The following TTC34 variants were observed in gnomAD, a reference collection of about 807,000 sequenced individuals.
TTC34 encodes the protein tetratricopeptide repeat domain 34.
Under a neutral mutation model 40.7 loss-of-function variants are expected in TTC34, and 44 were observed. The ratio of observed to expected loss-of-function variants is 1.08; its 90% CI spans 0.85 to 1.39. The LOEUF is 1.39. Among genes scored for constraint, TTC34 ranks in the 40% most tolerant of loss-of-function variants. The pLI is 0.00. For missense variants in TTC34, 884 were observed against 838.0 expected, an observed-to-expected ratio of 1.05 and a Z score of -0.68; for synonymous variants, 422 against 398.6, an observed-to-expected ratio of 1.06 and a Z score of -0.70.
intron 6 of TTC34, among the ~76,000 whole-genome samples, chr1:2,751,772 C>T (rs1641328580): frequency 6.9e-6 from 1 of 144,906 alleles, no homozygotes; most frequent in South Asian, 2.3e-4. Context: ...CCCACACCCA[C>T]AGGTGAGCAT....
chr1:2,773,220 C>A (rs1180150474), intron 6 of TTC34, among the ~76,000 whole-genome samples: 24 of 135,656 alleles, frequency 1.8e-4, no homozygotes, highest in Admixed American at 8.0e-4. Flanking sequence ...GCCCACACCC[C>A]CGGGCGAGCA....
intron 6 of TTC34, among the ~76,000 whole-genome samples, chr1:2,693,982 G>C (rs61765751): frequency 7.8e-3 from 194 of 24,836 alleles, no homozygotes; most frequent in Admixed American, 8.7e-3. Context: ...GGAACAGCAC[G>C]CACACACCCA....
At chr1:2,641,417 A>G (rs1171242045) in exon 9 of TTC34, 2 of 1,532,186 alleles carry the variant, frequency 1.3e-6, no homozygotes, top group African/African-American at 1.4e-5. Context: ...TCTGGCCTTC[A>G]GTCTCTTCAG....
intron 6 of TTC34, among the ~76,000 whole-genome samples, chr1:2,687,729 C>A (rs1227296483): frequency 6.6e-6 from 1 of 151,526 alleles, no homozygotes; most frequent in Admixed American, 6.6e-5. Flanking sequence ...ACCCACACCC[C>A]CAGGTGAACA....
intron 6 of TTC34, among the ~76,000 whole-genome samples, chr1:2,681,953 C>A (rs1387568866): frequency 2.0e-5 from 2 of 102,002 alleles, no homozygotes; most frequent in Non-Finnish European, 4.1e-5. Flanking sequence ...CACCCCAAGG[C>A]GAGCATCTGA....
In TTC34 at chr1:2,778,617, C is replaced by T. The variant is rs184603943; in HGVS notation, c.2226+4992G>A. Among the ~76,000 whole-genome samples, 41 of 152,350 alleles carry T rather than the reference C, an allele frequency of 2.7e-4. No homozygotes were observed. The East Asian group carries it at 7.9e-3, about 29-fold the overall frequency. On this transcript the variant is annotated intron_variant, in intron 6 of 8. Coordinates refer to ENST00000401095, the Ensembl canonical transcript of TTC34. ...TGCATTCACCCGAGGTTGATGGGAG[C>T]TCTGTGGGGGGAGACAGGCAGGGGA...
At chr1:2,691,237 T>A (rs61765710) in intron 6 of TTC34, among the ~76,000 whole-genome samples, 1 of 63,964 alleles carries the variant, frequency 1.6e-5, no homozygotes, top group African/African-American at 5.0e-5. Flanking sequence ...GGTGAGCATC[T>A]GACAGCCTGC....
chr1:2,643,514 C>T (rs1638955064), intron 8 of TTC34, among the ~76,000 whole-genome samples: 1 of 152,188 alleles, frequency 6.6e-6, no homozygotes, highest in African/African-American at 2.4e-5. Context: ...CCTGCTCCCA[C>T]CTCGAAGACC....
chr1:2,684,747 G>C (rs1410811596), intron 6 of TTC34, among the ~76,000 whole-genome samples: 10 of 115,674 alleles, frequency 8.6e-5, no homozygotes, highest in Non-Finnish European at 1.5e-4. Flanking sequence ...GCCTGGAACA[G>C]CACCAAAAAC....
intron 6 of TTC34, among the ~76,000 whole-genome samples, chr1:2,697,873 GCAGCACCCACACCAACAGGTGAGCAT>G (rs1640942617): frequency 7.9e-6 from 1 of 126,776 alleles, no homozygotes; most frequent in East Asian, 2.5e-4. Flanking sequence ...ACAGCCTGAA[GCAGCACCCACACCAACAGGTGAGCAT>G]CTGACAACCT....
At chr1:2,790,169 G>A (rs1287894328) in exon 3 of TTC34, 2 of 398,286 alleles carry the variant, frequency 5.0e-6, no homozygotes, top group Non-Finnish European at 8.9e-6. Context: ...GGCCTCCTGC[G>A]CCTGAGCCCG....
chr1:2,783,104 C>A (rs4648499), intron 6 of TTC34, among the ~76,000 whole-genome samples: 28,367 of 152,164 alleles, frequency 0.19, 2,910 homozygotes, highest in South Asian at 0.26. Flanking sequence ...TGCATAGATA[C>A]CGAACTTAAA....
At chr1:2,764,299 C>T (rs1240647642) in intron 6 of TTC34, among the ~76,000 whole-genome samples, 4 of 146,374 alleles carry the variant, frequency 2.7e-5, no homozygotes, top group Non-Finnish European at 1.5e-5. Flanking sequence ...GCAGCACACA[C>T]AACCCCAGGC....
In TTC34 at chr1:2,645,587, G is replaced by GGGGC; in HGVS notation, c.2227-25_2227-24insGCCC. On this transcript the variant is annotated intron_variant, in intron 6 of 8. Coordinates refer to ENST00000401095, the Ensembl canonical transcript of TTC34. The surrounding 1 kb of genome is among the most constrained non-coding windows in gnomAD (Gnocchi z 4.7). ...TCCTGCAAGGAGGGAGGGCGGGCGG[G>GGGGC]TGCAGAGTTGTCCTAAGTAGAGAAA... 2.2e-5 allele frequency: 5 copies of GGGGC among 229,534 alleles called. No individual in the cohort carries two copies. Among genetic ancestry groups the GGGGC allele is most frequent in the South Asian group, 3.8e-5 (1 of 26,378 alleles). The allele number at this position is 229,534 out of a possible 1,614,324, so 14.2% of individuals were successfully genotyped here. A position where few individuals can be genotyped will look rare whatever the true frequency, so the allele number is the denominator to read the frequency against.
chr1:2,687,092 G>C (rs1321042688), intron 6 of TTC34, among the ~76,000 whole-genome samples: 3 of 143,220 alleles, frequency 2.1e-5, no homozygotes, highest in Non-Finnish European at 4.5e-5. Flanking sequence ...ACCCCCAGGT[G>C]AACATCCGAC....
intron 6 of TTC34, among the ~76,000 whole-genome samples, chr1:2,777,686 C>T (rs1192825797): frequency 1.2e-5 from 1 of 84,386 alleles, no homozygotes; most frequent in Non-Finnish European, 2.3e-5. Flanking sequence ...AGGCAGAGGG[C>T]ATGGGGGGGG....
exon 4 of TTC34, chr1:2,787,686 T>C: frequency 6.5e-7 from 1 of 1,546,792 alleles, no homozygotes. Context: ...TGTGGCCAGC[T>C]GGTGCACGCC....
intron 6 of TTC34, among the ~76,000 whole-genome samples, chr1:2,691,725 C>T (rs564902383): frequency 9.9e-6 from 1 of 100,544 alleles, no homozygotes; most frequent in Non-Finnish European, 2.3e-5. Context: ...CATTGGACAG[C>T]CTGGAGCAGC....
chr1:2,690,461 CA>C (rs1640567126), intron 6 of TTC34, among the ~76,000 whole-genome samples: 1 of 148,446 alleles, frequency 6.7e-6, no homozygotes, highest in Non-Finnish European at 1.5e-5. Flanking sequence ...CACCCACAAC[CA>C]CAGGTGAGCA....
Sources: allele counts gnomAD v4.1 joint callset (sites outside exome capture counted in the v4.1 genomes callset), GRCh38; gene constraint gnomAD v4.1.1; non-coding constraint Gnocchi (gnomAD v3.1); transcripts MANE v1.5; gene names NCBI Gene and HGNC (gene_info 2026-07-23, HGNC 2026-07-21).